The following CSMD3 variants were observed in gnomAD, a reference collection of about 807,000 sequenced individuals.
CSMD3 encodes CUB and sushi domain-containing protein 3.
In CSMD3, 177 loss-of-function variants were observed where a neutral mutation model predicts 435.2. That is an observed-to-expected ratio of 0.41 (90% CI 0.36 to 0.46). The LOEUF (loss-of-function observed/expected upper bound fraction) is 0.46. Among genes scored for constraint, CSMD3 ranks in the 20% least tolerant of loss-of-function variants. The pLI is 0.34. For synonymous variants in CSMD3, 1,656 were observed against 1,520.5 expected (o/e 1.09, Z -2.07); for missense variants, 4,265 against 4,504.6 (o/e 0.95, Z 1.52).
At chr8:112,375,596 G>T (rs1828867175) in intron 38 of CSMD3, among the ~76,000 whole-genome samples, 1 of 151,908 alleles carries the variant, frequency 6.6e-6, no homozygotes, top group Non-Finnish European at 1.5e-5. Context: ...TTAAAAATAA[G>T]AATTTCTAAC....
intron 13 of CSMD3, among the ~76,000 whole-genome samples, chr8:112,791,178 C>A (rs1396185314): frequency 6.6e-6 from 1 of 151,888 alleles, no homozygotes; most frequent in East Asian, 1.9e-4. Context: ...CAAAAATTAG[C>A]CATGCATGGT....
intron 5 of CSMD3, among the ~76,000 whole-genome samples, chr8:113,087,553 G>T (rs374930801): frequency 1.7e-5 from 2 of 120,304 alleles, no homozygotes; most frequent in Admixed American, 8.4e-5. Flanking sequence ...AAATAATGCC[G>T]CATATCTACA....
chr8:113,300,187 G>A (rs1245916536), intron 2 of CSMD3, among the ~76,000 whole-genome samples: 1 of 148,072 alleles, frequency 6.8e-6, no homozygotes, highest in Non-Finnish European at 1.5e-5. Context: ...AACAACAGAT[G>A]TTGGTGTGAA....
Position 112,483,753 on chromosome 8 carries a change from A to G in CSMD3, c.5278+8736T>C, listed in dbSNP as rs550068927. ...AATCTCAGGAGGATACAAAGCTTAG[A>G]GGTAATAGCAGAAGAAACTTTCTTA... is the stretch of plus-strand genomic sequence containing the variant. On this transcript the variant is annotated intron_variant, in intron 31 of 70. Coordinates refer to ENST00000297405, the MANE Select transcript of CSMD3 (RefSeq NM_198123.2). Among the ~76,000 whole-genome samples, 75 of 152,320 alleles carry G rather than the reference A, an allele frequency of 4.9e-4. 1 individual carries two copies. The highest frequency in any genetic ancestry group is 3.4e-3 in the Middle Eastern group (1 of 294).
intron 22 of CSMD3, among the ~76,000 whole-genome samples, chr8:112,596,054 A>G (rs1831681144): frequency 1.3e-5 from 2 of 148,672 alleles, no homozygotes; most frequent in African/African-American, 2.5e-5. Flanking sequence ...TGCTCCAATT[A>G]AAAGACACAG....
intron 69 of CSMD3, among the ~76,000 whole-genome samples, chr8:112,230,150 T>C (rs1218252140): frequency 6.6e-6 from 1 of 152,188 alleles, no homozygotes; most frequent in Non-Finnish European, 1.5e-5. Context: ...AGTTCTTTCT[T>C]AAAAGGAAAT....
At chr8:113,036,351 A>T (rs763750957) in intron 5 of CSMD3, among the ~76,000 whole-genome samples, 1 of 151,990 alleles carries the variant, frequency 6.6e-6, no homozygotes, top group Non-Finnish European at 1.5e-5. Flanking sequence ...ATGAATTTAA[A>T]ATTGGATTTT....
chr8:113,342,038 G>A lies in CSMD3; in HGVS notation c.179-27245C>T, dbSNP rs572856764. Among the ~76,000 whole-genome samples the A allele has an allele frequency of 3.3e-5, 5 of 151,644 alleles. No homozygotes were observed. The East Asian group carries it at 5.8e-4, about 18-fold the overall frequency. On this transcript the variant is annotated intron_variant, in intron 1 of 70. Coordinates refer to ENST00000297405, the MANE Select transcript of CSMD3 (RefSeq NM_198123.2). Reference sequence around the variant, plus strand: ...CCATAATAAGGAAATTACCAAACTCGTAGAATAGCCAAAATATTACCAGTT... The same window carrying A: ...CCATAATAAGGAAATTACCAAACTCATAGAATAGCCAAAATATTACCAGTT...
At chr8:113,365,389 A>C (rs2094304698) in intron 1 of CSMD3, among the ~76,000 whole-genome samples, 1 of 152,052 alleles carries the variant, frequency 6.6e-6, no homozygotes, top group African/African-American at 2.4e-5. Flanking sequence ...GTGTTATTAC[A>C]ATAAGTTGAA....
chr8:112,492,019 C>A (rs1820752390), intron 31 of CSMD3, among the ~76,000 whole-genome samples: 1 of 152,104 alleles, frequency 6.6e-6, no homozygotes, highest in Non-Finnish European at 1.5e-5. Context: ...TCTAGACAAC[C>A]TAATTCCTAG....
chr8:113,219,130 G>A (rs1588299428), intron 3 of CSMD3, among the ~76,000 whole-genome samples: 2 of 151,274 alleles, frequency 1.3e-5, no homozygotes, highest in South Asian at 4.1e-4. Flanking sequence ...ATTTAAAGGA[G>A]GAAATTAAAG....
chr8:112,867,739 G>C (rs1217247118), intron 10 of CSMD3, among the ~76,000 whole-genome samples: 5 of 151,972 alleles, frequency 3.3e-5, no homozygotes, highest in African/African-American at 1.2e-4. Flanking sequence ...ACCTGTATAG[G>C]GGCACTTACC....
chr8:112,719,302 C>A (rs367779683), intron 13 of CSMD3, among the ~76,000 whole-genome samples: 1 of 152,062 alleles, frequency 6.6e-6, no homozygotes, highest in South Asian at 2.1e-4. Flanking sequence ...TAAAGGTCAG[C>A]AACATAATAT....
chr8:112,533,679 T>A (rs969573262), intron 27 of CSMD3, among the ~76,000 whole-genome samples: 1 of 152,034 alleles, frequency 6.6e-6, no homozygotes, highest in African/African-American at 2.4e-5. Flanking sequence ...AGTGGGGGAC[T>A]TCAACACTCC....
chr8:112,945,362 G>A (rs2083570537), intron 9 of CSMD3, among the ~76,000 whole-genome samples: 1 of 151,666 alleles, frequency 6.6e-6, no homozygotes, highest in East Asian at 1.9e-4. Context: ...AAAATAGAAA[G>A]CATGATCTAC....
At chr8:113,300,186 T>C (rs1162590432) in intron 2 of CSMD3, among the ~76,000 whole-genome samples, 2 of 140,206 alleles carry the variant, frequency 1.4e-5, no homozygotes, top group East Asian at 2.1e-4. Context: ...AAACAACAGA[T>C]GTTGGTGTGA....
rs1285435628 is a variant in CSMD3, at chr8:113,136,791, AC to A, written c.709+36930del. Among the ~76,000 whole-genome samples, 4 of 151,772 alleles carry A rather than the reference AC, an allele frequency of 2.6e-5. No homozygotes were observed. In the East Asian group the frequency reaches 7.8e-4, roughly 30 times the overall value. ...AAGGAGGGATTTTAAGACTGGGGAT[AC>A]TGGAGAATGTTCATAGATAGTGGGG... On this transcript the variant is annotated intron_variant, in intron 4 of 70. Transcript: ENST00000297405.
At chr8:113,435,100 T>C (rs2130129225) in intron 1 of CSMD3, among the ~76,000 whole-genome samples, 1 of 152,248 alleles carries the variant, frequency 6.6e-6, no homozygotes, top group East Asian at 1.9e-4. Flanking sequence ...AGCATAAATG[T>C]GTGGCTCCTC....
intron 59 of CSMD3, among the ~76,000 whole-genome samples, chr8:112,278,979 T>C (rs28760595): frequency 0.047 from 7,089 of 151,780 alleles, 273 homozygotes; most frequent in East Asian, 0.14. Flanking sequence ...ATTGCCCTTC[T>C]TCCTGAAGCG....
Sources: gnomAD v4.1 joint callset for allele counts (sites outside exome capture counted in the v4.1 genomes callset) on GRCh38, gnomAD v4.1.1 for gene constraint, MANE v1.5 for transcripts, NCBI Gene and HGNC (gene_info 2026-07-23, HGNC 2026-07-21) for gene names.